CEP85L: variants seen among roughly 807,000 people sequenced by gnomAD.
The protein encoded by CEP85L is centrosomal protein of 85 kDa-like.
Under a neutral mutation model 100.3 loss-of-function variants are expected in CEP85L, and 60 were observed. The ratio of observed to expected loss-of-function variants is 0.60; its 90% CI spans 0.49 to 0.74. The LOEUF (loss-of-function observed/expected upper bound fraction) is 0.74. Among genes scored for constraint, CEP85L ranks in the 30% least tolerant of loss-of-function variants. The pLI, the probability that CEP85L is intolerant of heterozygous loss-of-function variation, is 0.00. For synonymous variants in CEP85L, 319 were observed against 322.7 expected, an observed-to-expected ratio of 0.99 and a Z score of 0.12; for missense variants, 973 against 936.2, an observed-to-expected ratio of 1.04 and a Z score of -0.51.
At chr6:118,601,980 G>C (rs1159354410) in intron 2 of CEP85L, among the ~76,000 whole-genome samples, 2 of 152,136 alleles carry the variant, frequency 1.3e-5, no homozygotes, top group African/African-American at 2.4e-5. Context: ...CAGCCCAGTA[G>C]GTTTCAGCCT....
intron 2 of CEP85L, among the ~76,000 whole-genome samples, chr6:118,628,664 AC>A: frequency 6.6e-6 from 1 of 152,014 alleles, no homozygotes; most frequent in African/African-American, 2.4e-5. Flanking sequence ...AAACAAACAA[AC>A]AAACAAAACA....
intron 1 of CEP85L, among the ~76,000 whole-genome samples, chr6:118,681,296 A>C (rs1258449881): frequency 6.6e-6 from 1 of 152,230 alleles, no homozygotes; most frequent in East Asian, 1.9e-4. Flanking sequence ...CATTTAGAGC[A>C]TTCTGTGCTG....
chr6:118,624,949 AGGAATG>A (rs1773687576), intron 2 of CEP85L, among the ~76,000 whole-genome samples: 7 of 152,250 alleles, frequency 4.6e-5, no homozygotes, highest in Non-Finnish European at 7.3e-5. Flanking sequence ...CCACATTCAC[AGGAATG>A]CAGGAGGCCT....
intron 5 of CEP85L, among the ~76,000 whole-genome samples, chr6:118,499,011 T>C (rs761136063): frequency 5.9e-5 from 9 of 152,092 alleles, no homozygotes; most frequent in South Asian, 2.1e-4. Context: ...ACATAATACA[T>C]AGGTTAAAAA....
intron 2 of CEP85L, among the ~76,000 whole-genome samples, chr6:118,613,139 G>C: frequency 6.6e-6 from 1 of 151,874 alleles, no homozygotes; most frequent in Non-Finnish European, 1.5e-5. Context: ...TTAACCCGGC[G>C]GGCAGAGGTT....
intron 3 of CEP85L, among the ~76,000 whole-genome samples, chr6:118,557,605 G>A (rs1778952997): frequency 6.6e-6 from 1 of 152,146 alleles, no homozygotes; most frequent in African/African-American, 2.4e-5. Context: ...TGTATCCTGT[G>A]ATGGAGTGGC....
intron 1 of CEP85L, among the ~76,000 whole-genome samples, chr6:118,659,255 A>G (rs889118885): frequency 1.3e-4 from 20 of 152,204 alleles, no homozygotes; most frequent in African/African-American, 4.6e-4. Flanking sequence ...TCTAAAATCA[A>G]CTTATACTCC....
intron 5 of CEP85L, among the ~76,000 whole-genome samples, chr6:118,500,340 A>C (rs2114657458): frequency 7.5e-6 from 1 of 134,164 alleles, no homozygotes; most frequent in South Asian, 2.4e-4. Context: ...CAAACTATTT[A>C]TCATGAACGC....
Position 118,484,063 on chromosome 6 carries a change from A to C in CEP85L, c.1438-205T>G, listed in dbSNP as rs185840444. ...GGTGGCTCATGCCTGTAATCCCAGC[A>C]CTTTGGGAGACTGAGATGGGCTGAT... is the stretch of plus-strand genomic sequence containing the variant. On this transcript the variant is annotated intron_variant, in intron 6 of 12. Transcript: ENST00000368491. Among the ~76,000 whole-genome samples, 12 of 152,254 alleles carry C rather than the reference A, an allele frequency of 7.9e-5. No individual in the cohort carries two copies. The East Asian group carries it at 2.3e-3, about 29-fold the overall frequency.
chr6:118,685,063 A>G (rs573915403), intron 1 of CEP85L, among the ~76,000 whole-genome samples: 17 of 152,356 alleles, frequency 1.1e-4, no homozygotes, highest in African/African-American at 4.1e-4. Flanking sequence ...TCCCAGCATT[A>G]TACACTTCAT....
chr6:118,590,076 C>T (rs1376695643), intron 2 of CEP85L, among the ~76,000 whole-genome samples: 1 of 151,884 alleles, frequency 6.6e-6, no homozygotes, highest in Non-Finnish European at 1.5e-5. Flanking sequence ...CACATACACA[C>T]GTGGAATACC....
intron 5 of CEP85L, among the ~76,000 whole-genome samples, chr6:118,492,930 T>C (rs909537481): frequency 1.3e-5 from 2 of 152,076 alleles, no homozygotes; most frequent in East Asian, 1.9e-4. Context: ...ATTACAGAAA[T>C]AGCATTTATC....
chr6:118,465,687 A>G, intron 12 of CEP85L, 119 bp from the exon 13 acceptor site: 1 of 827,956 alleles, frequency 1.2e-6, no homozygotes, highest in East Asian at 2.6e-5. Context: ...AGTGAGGCTC[A>G]GGTTCAAGTT....
chr6:118,632,188 A>G (rs1774208227), intron 2 of CEP85L, among the ~76,000 whole-genome samples: 1 of 152,120 alleles, frequency 6.6e-6, no homozygotes, highest in African/African-American at 2.4e-5. Flanking sequence ...ACGGGATTTC[A>G]TTGTATTAGA....
At chr6:118,494,247 G>A (rs1419389440) in intron 5 of CEP85L, among the ~76,000 whole-genome samples, 1 of 152,158 alleles carries the variant, frequency 6.6e-6, no homozygotes, top group Admixed American at 6.5e-5. Flanking sequence ...GTTTCCATAT[G>A]TCTGTGAGTT....
At position 118,666,167 on chromosome 6, in the gene CEP85L, C is replaced by A. The variant is rs1776128162; in HGVS notation, c.-27-13359G>T. On this transcript the variant is annotated intron_variant, in intron 1 of 13. Transcript: ENST00000368488. ...ACTTCTCTCTTTCCTAGGGTTGGTG[C>A]TTTCATCTCAAACTCCAGGATGCTC... Among the ~76,000 whole-genome samples the A allele has an allele frequency of 2.6e-5, 4 of 152,310 alleles. No individual in the cohort carries two copies. The South Asian group carries it at 8.3e-4, about 32-fold the overall frequency.
chr6:118,633,991 A>G (rs1272241668), intron 1 of CEP85L, among the ~76,000 whole-genome samples: 2 of 152,228 alleles, frequency 1.3e-5, no homozygotes, highest in African/African-American at 2.4e-5. Context: ...CATAATTTCA[A>G]TGCTCCCGTA....
chr6:118,635,279 A>T (rs549421641), intron 1 of CEP85L, among the ~76,000 whole-genome samples: 106 of 152,334 alleles, frequency 7.0e-4, no homozygotes, highest in African/African-American at 2.5e-3. Flanking sequence ...GATTTTATCA[A>T]CCTATTTTTT....
rs1185487990 is a variant in CEP85L at position 118,513,265 on chromosome 6, G to GT, written c.1140-1851dup. 6.6e-5 allele frequency among the ~76,000 whole-genome samples: 10 copies of GT among 152,198 alleles called. 1 individual carries two copies. The South Asian group carries it at 1.9e-3, about 28-fold the overall frequency. Reference sequence around the variant, plus strand: ...AGAGGAGGTAAGAAGGTGGCAGGGGGTGGGAGTAGGGGACAGAAAAAAAAT... The same window carrying GT: ...AGAGGAGGTAAGAAGGTGGCAGGGGGTTGGGAGTAGGGGACAGAAAAAAAAT... On this transcript the variant is annotated intron_variant, in intron 4 of 12. Coordinates refer to ENST00000368491, the MANE Select transcript of CEP85L (RefSeq NM_001042475.3).
Sources: gnomAD v4.1 joint callset for allele counts (sites outside exome capture counted in the v4.1 genomes callset) on GRCh38, gnomAD v4.1.1 for gene constraint, MANE v1.5 for transcripts, NCBI Gene and HGNC (gene_info 2026-07-23, HGNC 2026-07-21) for gene names.